Variants in ETS2 observed in about 807,000 individuals in gnomAD.
The protein encoded by ETS2 is protein C-ets-2.
ETS2 carries 19 observed loss-of-function variants against 54.9 expected under a neutral mutation model. That is an observed-to-expected ratio of 0.35 (90% CI 0.24 to 0.51). The LOEUF is 0.51. Among genes scored for constraint, ETS2 ranks in the 20% least tolerant of loss-of-function variants. ETS2 has a pLI of 0.97. For synonymous variants in ETS2, 219 were observed against 229.3 expected (o/e 0.95, Z 0.41); for missense variants, 417 against 593.0 (o/e 0.70, Z 3.08).
chr21:38,806,744 G>T lies in ETS2; in HGVS notation c.-1+624G>T. The T allele has an allele frequency of 2.0e-6, 2 of 985,496 alleles. No homozygotes were observed. Among genetic ancestry groups the T allele is most frequent in the Non-Finnish European group, 2.4e-6 (2 of 829,946 alleles). The allele number at this position is 985,496 out of a possible 1,614,324, so 61.0% of individuals were successfully genotyped here. ...CGAGGAGAGCGTGGGGAACCTGTCGGAAATGAGATCTGGTTGCGCTGGGCT... is the reference window on the plus strand; with the variant it reads ...CGAGGAGAGCGTGGGGAACCTGTCGTAAATGAGATCTGGTTGCGCTGGGCT... On this transcript the variant is annotated intron_variant, in intron 1 of 9. Coordinates refer to ENST00000360938, the MANE Select transcript of ETS2 (RefSeq NM_005239.6). The surrounding 1 kb of genome is among the most constrained non-coding windows in gnomAD (Gnocchi z 4.3).
chr21:38,806,885 TTATG>T lies in ETS2; in HGVS notation c.-1+767_-1+770del. The T allele has an allele frequency of 1.0e-6, 1 of 964,874 alleles. No homozygotes were observed. The highest frequency in any genetic ancestry group is 1.2e-6 in the Non-Finnish European group (1 of 811,278). The allele number at this position is 964,874 out of a possible 1,614,324, so 59.8% of individuals were successfully genotyped here. A position where few individuals can be genotyped will look rare whatever the true frequency, so the allele number is the denominator to read the frequency against. On this transcript the variant is annotated intron_variant, in intron 1 of 9. Coordinates refer to ENST00000360938, the MANE Select transcript of ETS2 (RefSeq NM_005239.6). This position sits in a 1 kb window ranked among gnomAD's most constrained non-coding sequence, Gnocchi z 4.3. ...TTTATTTTTTACGGCAGGAGACCTT[TTATG>T]TTAGCCTGTACACAATTTCAGGGTA...
intron 7 of ETS2, among the ~76,000 whole-genome samples, chr21:38,819,122 C>T (rs1298345388): frequency 6.6e-6 from 1 of 152,170 alleles, no homozygotes; most frequent in Non-Finnish European, 1.5e-5. Context: ...TGACTTTTAT[C>T]ATTACGGATT....
chr21:38,805,785 T>C (rs2060889473), upstream of ETS2: 1 of 742,150 alleles, frequency 1.3e-6, no homozygotes, highest in Non-Finnish European at 1.8e-6. The surrounding 1 kb of genome is among the most constrained non-coding windows in gnomAD (Gnocchi z 5.2). Context: ...CTTCCCCTCC[T>C]CTTCTCTCTC....
At chr21:38,809,059 G>T (rs951690014) in intron 1 of ETS2, among the ~76,000 whole-genome samples, 2 of 152,168 alleles carry the variant, frequency 1.3e-5, no homozygotes, top group African/African-American at 4.8e-5. Context: ...TTATGTCATT[G>T]TCCAATTACA....
At chr21:38,820,606 C>G (rs2060954078) in intron 8 of ETS2, among the ~76,000 whole-genome samples, 1 of 152,154 alleles carries the variant, frequency 6.6e-6, no homozygotes, top group Admixed American at 6.5e-5. Flanking sequence ...ACTGCCAACT[C>G]TGTAGTTAAG....
intron 2 of ETS2, among the ~76,000 whole-genome samples, chr21:38,811,332 A>T (rs2060912908): frequency 6.6e-6 from 1 of 152,244 alleles, no homozygotes; most frequent in South Asian, 2.1e-4. Flanking sequence ...AGTAATTTGC[A>T]CTTGCCTGAT....
rs762377313 is a variant in ETS2, at chr21:38,814,253, C to A, written c.185-20C>A. On this transcript the variant is annotated intron_variant, in intron 3 of 9. Transcript: ENST00000360938. The surrounding 1 kb of genome is among the most constrained non-coding windows in gnomAD (Gnocchi z 4.2). ...CACCAACTTGAAGTCCTAATGTCCCCATGGGGGGTTTCCTTCCAGACTCCG... is the reference window on the plus strand; with the variant it reads ...CACCAACTTGAAGTCCTAATGTCCCAATGGGGGGTTTCCTTCCAGACTCCG... The A allele has an allele frequency of 1.5e-5, 24 of 1,613,456 alleles. No individual in the cohort carries two copies. The highest frequency in any genetic ancestry group is 2.0e-5 in the Non-Finnish European group (24 of 1,179,624).
intron 9 of ETS2, 111 bp from the exon 10 acceptor site, chr21:38,822,563 A>G: frequency 1.1e-6 from 1 of 945,298 alleles, no homozygotes; most frequent in Non-Finnish European, 1.6e-6. Flanking sequence ...GTAGGTGTCA[A>G]GTTCTCTCTA....
In ETS2 at chr21:38,814,902, T is replaced by C. The variant is rs2060927131; in HGVS notation, c.426T>C (p.Leu142=). 1 of 1,614,208 alleles carries C rather than the reference T, an allele frequency of 6.2e-7. No individual in the cohort carries two copies. The highest frequency in any genetic ancestry group is 8.5e-7 in the Non-Finnish European group (1 of 1,180,044). ...TGAATGGCCAGATGCTGTGTAACCT[T>C]GGCAAGGAACGCTTTCTGGAGCTGG... ...FGMNGQMLCN[L]GKERFLELAP... Residue 142 remains leucine (L), a synonymous_variant, in exon 5 of 10, where the codon CTT becomes CTC. Coordinates refer to ENST00000360938, the MANE Select transcript of ETS2 (RefSeq NM_005239.6). This position sits in a 1 kb window ranked among gnomAD's most constrained non-coding sequence, Gnocchi z 4.2.
At chr21:38,805,543 G>A (rs988438849), upstream of ETS2, 9 of 1,286,004 alleles carry the variant, frequency 7.0e-6, 1 homozygote, top group Admixed American at 1.2e-4. This position sits in a 1 kb window ranked among gnomAD's most constrained non-coding sequence, Gnocchi z 5.2. Context: ...ACGTGGGGCC[G>A]AGGCCCTGCT....
Position 38,814,685 on chromosome 21 carries a change from G to T in ETS2, c.305-96G>T. ...TGCTCATTCGTGGGTTCTGGTGTAT[G>T]TCGGTACTTGGTGCATAAATTAGGG... On this transcript the variant is annotated intron_variant, in intron 4 of 9. Transcript: ENST00000360938. This position sits in a 1 kb window ranked among gnomAD's most constrained non-coding sequence, Gnocchi z 4.2. 1 of 1,131,102 alleles carries T rather than the reference G, an allele frequency of 8.8e-7. No homozygotes were observed. Among genetic ancestry groups the T allele is most frequent in the South Asian group, 1.4e-5 (1 of 73,018 alleles). 70.1% of individuals were successfully genotyped at this position (1,131,102 alleles called of 1,614,324 possible).
At chr21:38,812,541 G>T (rs1002514722) in intron 2 of ETS2, among the ~76,000 whole-genome samples, 2 of 152,230 alleles carry the variant, frequency 1.3e-5, no homozygotes, top group African/African-American at 4.8e-5. Context: ...AGCACTTTGG[G>T]AGGCCAAGGC....
chr21:38,813,586 A>G (rs2060921789), intron 3 of ETS2, among the ~76,000 whole-genome samples: 1 of 152,160 alleles, frequency 6.6e-6, no homozygotes, highest in Non-Finnish European at 1.5e-5. Flanking sequence ...TCTTCGTGTC[A>G]TTGTTTATTC....
upstream of ETS2, chr21:38,805,503 G>A: frequency 2.3e-6 from 3 of 1,287,942 alleles, no homozygotes; most frequent in Non-Finnish European, 3.0e-6. The surrounding 1 kb of genome is among the most constrained non-coding windows in gnomAD (Gnocchi z 5.2). Context: ...GAAAGTCTCC[G>A]CCCGGCTCCC....
chr21:38,818,404 C>A, intron 6 of ETS2, 21 bp from the exon 7 acceptor site: 1 of 1,613,488 alleles, frequency 6.2e-7, no homozygotes, highest in South Asian at 1.1e-5. Context: ...AGAGCTCTGC[C>A]GTCCGATTGT....
intron 6 of ETS2, among the ~76,000 whole-genome samples, chr21:38,817,712 G>A (rs1184249591): frequency 6.6e-6 from 1 of 152,218 alleles, no homozygotes; most frequent in African/African-American, 2.4e-5. Flanking sequence ...CTGATACTGG[G>A]GAGGGCACAG....
chr21:38,805,215 TC>T, upstream of ETS2: 1 of 726,450 alleles, frequency 1.4e-6, no homozygotes, highest in Non-Finnish European at 1.9e-6. This position sits in a 1 kb window ranked among gnomAD's most constrained non-coding sequence, Gnocchi z 5.2. Context: ...GATCGGGGCT[TC>T]CCGGGAGCAG....
rs181149750 is a variant in ETS2 at position 38,807,008 on chromosome 21, T to G, written c.-1+888T>G. Among the ~76,000 whole-genome samples the G allele has an allele frequency of 1.3e-3, 201 of 152,324 alleles. 2 individuals are homozygous for G. Among genetic ancestry groups the G allele is most frequent in the East Asian group, 7.7e-4 (4 of 5,192 alleles). On this transcript the variant is annotated intron_variant, in intron 1 of 9. Transcript: ENST00000360938. Reference sequence around the variant, plus strand: ...GGAGTAATTTATTTTAATTCGCCAGTAAGAGATTATATTTGTTCCATACAA... The same window carrying G: ...GGAGTAATTTATTTTAATTCGCCAGGAAGAGATTATATTTGTTCCATACAA...
At chr21:38,820,210 G>T (rs1034210267) in intron 8 of ETS2, among the ~76,000 whole-genome samples, 13 of 152,318 alleles carry the variant, frequency 8.5e-5, no homozygotes, top group South Asian at 8.3e-4. Context: ...TTGGGTGAGA[G>T]CTATTCTAGG....
Sources: gnomAD v4.1 joint callset for allele counts (sites outside exome capture counted in the v4.1 genomes callset) on GRCh38, gnomAD v4.1.1 for gene constraint, Gnocchi (gnomAD v3.1) non-coding constraint, MANE v1.5 for transcripts, NCBI Gene and HGNC (gene_info 2026-07-23, HGNC 2026-07-21) for gene names.